The following NALCN variants were observed in gnomAD, a reference collection of about 807,000 sequenced individuals.
NALCN encodes the protein sodium leak channel, non-selective, also known as sodium leak channel NALCN.
NALCN carries 111 observed loss-of-function variants against 225.3 expected under a neutral mutation model. The ratio of observed to expected loss-of-function variants is 0.49; its 90% CI spans 0.42 to 0.58. NALCN has a LOEUF of 0.58. Ranked by LOEUF, NALCN falls within the 20% of genes least tolerant of loss-of-function variation. The pLI is 0.00. For missense variants in NALCN, 1,378 were observed against 2,202.4 expected, an observed-to-expected ratio of 0.63 and a Z score of 7.49; for synonymous variants, 764 against 769.0, an observed-to-expected ratio of 0.99 and a Z score of 0.11.
chr13:101,229,773 G>A (rs187213585), intron 12 of NALCN, among the ~76,000 whole-genome samples, 189 bp from the exon 13 acceptor site: 76 of 152,064 alleles, frequency 5.0e-4, no homozygotes, highest in Non-Finnish European at 1.6e-4. Flanking sequence ...CCAAATGAAT[G>A]GATGAACTAA....
At chr13:101,311,403 T>C (rs1185416503) in intron 7 of NALCN, among the ~76,000 whole-genome samples, 1 of 151,132 alleles carries the variant, frequency 6.6e-6, no homozygotes, top group Admixed American at 6.6e-5. Context: ...TTATGTTGAA[T>C]AGGAGTGGTG....
At chr13:101,060,263 T>G (rs1187968793) in intron 41 of NALCN, among the ~76,000 whole-genome samples, 2 of 141,208 alleles carry the variant, frequency 1.4e-5, no homozygotes, top group African/African-American at 2.8e-5. Context: ...CTTTTTGTTG[T>G]TGGTGTTTTC....
rs1425944045 is a variant in NALCN, at chr13:101,089,142, C to T, written c.3489+521G>A. On this transcript the variant is annotated intron_variant, in intron 30 of 43. Coordinates refer to ENST00000251127, the MANE Select transcript of NALCN (RefSeq NM_052867.4). The surrounding 1 kb of genome is among the most constrained non-coding windows in gnomAD (Gnocchi z 4.7). ...TGAACTCCTGACCTCAAGTGATCCA[C>T]CCGCCTTGGCCTCCCAAAGTGCTGG... 6.6e-6 allele frequency among the ~76,000 whole-genome samples: 1 copy of T among 152,136 alleles called. No individual in the cohort carries two copies. The highest frequency in any genetic ancestry group is 1.5e-5 in the Non-Finnish European group (1 of 68,018).
intron 7 of NALCN, among the ~76,000 whole-genome samples, chr13:101,319,391 A>G (rs2044666722): frequency 6.6e-6 from 1 of 152,178 alleles, no homozygotes; most frequent in African/African-American, 2.4e-5. Context: ...TGACTCAACC[A>G]CACAGGACAC....
At chr13:101,400,575 G>A (rs2047442861) in intron 1 of NALCN, among the ~76,000 whole-genome samples, 1 of 122,010 alleles carries the variant, frequency 8.2e-6, no homozygotes, top group Non-Finnish European at 1.6e-5. Flanking sequence ...GTGTGTGTGT[G>A]TGTGTGCACG....
intron 6 of NALCN, among the ~76,000 whole-genome samples, chr13:101,346,853 G>A (rs1343118688): frequency 6.6e-6 from 1 of 152,100 alleles, no homozygotes; most frequent in Non-Finnish European, 1.5e-5. Context: ...TGGGCTTGAT[G>A]ATTTCAGAAG....
At chr13:101,103,533 T>G (rs2034939218) in intron 25 of NALCN, among the ~76,000 whole-genome samples, 194 bp from the exon 26 acceptor site, 1 of 149,572 alleles carries the variant, frequency 6.7e-6, no homozygotes, top group Non-Finnish European at 1.5e-5. Flanking sequence ...ATCATGTGTA[T>G]GCAGGAAAGA....
At chr13:101,381,500 C>T (rs771206970) in intron 3 of NALCN, among the ~76,000 whole-genome samples, 141 of 152,076 alleles carry the variant, frequency 9.3e-4, no homozygotes, top group Non-Finnish European at 1.3e-3. Flanking sequence ...GATAACATAG[C>T]CCATATAAAA....
chr13:101,101,029 C>A (rs1185488186), intron 26 of NALCN, 141 bp from the exon 27 acceptor site: 2 of 587,192 alleles, frequency 3.4e-6, no homozygotes, highest in Non-Finnish European at 5.5e-6. Flanking sequence ...AACTTCTCCA[C>A]CATAGGTCAC....
chr13:101,230,702 G>C (rs1362244579), intron 12 of NALCN, among the ~76,000 whole-genome samples: 1 of 152,172 alleles, frequency 6.6e-6, no homozygotes, highest in African/African-American at 2.4e-5. Flanking sequence ...GTGACCATGG[G>C]GGGCACAGCC....
chr13:101,216,192 A>T (rs1265821729), intron 13 of NALCN, among the ~76,000 whole-genome samples: 1 of 152,134 alleles, frequency 6.6e-6, no homozygotes, highest in African/African-American at 2.4e-5. Context: ...AATAAATAAA[A>T]TACAGCTCCA....
At chr13:101,080,721 A>C (rs1290154651) in intron 34 of NALCN, among the ~76,000 whole-genome samples, 3 of 146,132 alleles carry the variant, frequency 2.1e-5, no homozygotes, top group East Asian at 3.9e-4. Flanking sequence ...TAATTAATAC[A>C]TATTTTAAAT....
rs77822659 is a variant in NALCN, at chr13:101,263,122, G to C, written c.1135-4548C>G. Among the ~76,000 whole-genome samples, 378 of 152,260 alleles carry C rather than the reference G, an allele frequency of 2.5e-3. 11 individuals are homozygous for C. The East Asian group carries it at 0.066, about 27-fold the overall frequency. On this transcript the variant is annotated intron_variant, in intron 10 of 43. Transcript: ENST00000251127. ...CATTGATAAGGATCTAATAATTTGA[G>C]ACATGCCAGTGACATCGGGAAAGTA... is the stretch of plus-strand genomic sequence containing the variant.
chr13:101,135,111 C>T (rs940089301), intron 17 of NALCN, among the ~76,000 whole-genome samples: 5 of 152,120 alleles, frequency 3.3e-5, no homozygotes, highest in African/African-American at 4.8e-5. Context: ...AGGAGAATGG[C>T]GTGAACCCGG....
chr13:101,328,974 T>C (rs539598161), intron 7 of NALCN, among the ~76,000 whole-genome samples: 10 of 152,296 alleles, frequency 6.6e-5, no homozygotes, highest in Admixed American at 6.5e-4. Flanking sequence ...TAAGAGCTGC[T>C]TCTGTTCTCT....
At chr13:101,246,849 A>G (rs1051961687) in intron 11 of NALCN, among the ~76,000 whole-genome samples, 12 of 152,226 alleles carry the variant, frequency 7.9e-5, no homozygotes, top group African/African-American at 2.9e-4. Context: ...CAAATATCAT[A>G]AAACCAAATG....
At chr13:101,236,870 T>A (rs1239385569) in intron 12 of NALCN, among the ~76,000 whole-genome samples, 1 of 151,016 alleles carries the variant, frequency 6.6e-6, no homozygotes, top group Non-Finnish European at 1.5e-5. Context: ...CATATGTAAC[T>A]AACCTGCACA....
chr13:101,309,782 G>T (rs1038972571), intron 7 of NALCN, among the ~76,000 whole-genome samples: 1 of 152,184 alleles, frequency 6.6e-6, no homozygotes, highest in Non-Finnish European at 1.5e-5. Context: ...TAAAAAAATT[G>T]AGCATGTGTA....
intron 15 of NALCN, among the ~76,000 whole-genome samples, chr13:101,145,278 T>A (rs1014542529): frequency 3.9e-5 from 6 of 152,180 alleles, no homozygotes; most frequent in Non-Finnish European, 8.8e-5. Flanking sequence ...TAAAAATTTT[T>A]AAAAACCATG....
Sources: allele counts gnomAD v4.1 joint callset (sites outside exome capture counted in the v4.1 genomes callset), GRCh38; gene constraint gnomAD v4.1.1; non-coding constraint Gnocchi (gnomAD v3.1); transcripts MANE v1.5; gene names NCBI Gene and HGNC (gene_info 2026-07-23, HGNC 2026-07-21).